LRFN2: variants seen among roughly 807,000 people sequenced by gnomAD.
The protein encoded by LRFN2 is leucine-rich repeat and fibronectin type-III domain-containing protein 2.
Under a neutral mutation model 37.3 loss-of-function variants are expected in LRFN2, and 18 were observed. That is an observed-to-expected ratio of 0.48 (90% confidence interval 0.33 to 0.72). The LOEUF is 0.72. LRFN2 is among the 30% of genes least tolerant of loss of function. LRFN2 has a pLI of 0.02. For missense variants in LRFN2, 1,006 were observed against 1,060.7 expected (o/e 0.95, Z 0.72); for synonymous variants, 556 against 466.6 (o/e 1.19, Z -2.47).
chr6:40,548,701 T>A (rs114463539), intron 1 of LRFN2, among the ~76,000 whole-genome samples: 4,829 of 152,288 alleles, frequency 0.032, 103 homozygotes, highest in Admixed American at 0.042. Context: ...AAACAGGTCC[T>A]ATCAGAGTGA....
chr6:40,522,564 C>A (rs547121089), intron 1 of LRFN2, among the ~76,000 whole-genome samples: 43 of 152,282 alleles, frequency 2.8e-4, no homozygotes, highest in Non-Finnish European at 5.1e-4. Flanking sequence ...CTGCCCCTAA[C>A]AACAGGTGAC....
intron 1 of LRFN2, among the ~76,000 whole-genome samples, chr6:40,480,268 T>C (rs1764797516): frequency 6.6e-6 from 1 of 152,124 alleles, no homozygotes; most frequent in Non-Finnish European, 1.5e-5. Context: ...GTTCAGGCTT[T>C]TTTTCTTTTT....
At chr6:40,579,425 A>G (rs889009771) in intron 1 of LRFN2, among the ~76,000 whole-genome samples, 2 of 152,186 alleles carry the variant, frequency 1.3e-5, no homozygotes, top group African/African-American at 4.8e-5. Flanking sequence ...AGATGGTAAG[A>G]TGTCAGCTTA....
At chr6:40,434,653 T>G (rs1763601010) in intron 1 of LRFN2, among the ~76,000 whole-genome samples, 1 of 151,906 alleles carries the variant, frequency 6.6e-6, no homozygotes, top group African/African-American at 2.4e-5. Flanking sequence ...ACTTTTTGTA[T>G]TTTTAGTAGA....
At chr6:40,498,136 C>T (rs1765279256) in intron 1 of LRFN2, among the ~76,000 whole-genome samples, 2 of 152,098 alleles carry the variant, frequency 1.3e-5, no homozygotes, top group African/African-American at 2.4e-5. Flanking sequence ...TCCGTGTCCA[C>T]CGAAAGGCTC....
chr6:40,575,481 C>A (rs36067874), intron 1 of LRFN2, among the ~76,000 whole-genome samples: 4 of 152,178 alleles, frequency 2.6e-5, no homozygotes, highest in East Asian at 1.9e-4. Context: ...CCTTACTCTG[C>A]GCCTGCCCTT....
intron 1 of LRFN2, among the ~76,000 whole-genome samples, chr6:40,494,161 G>GGTCCAA (rs1450278027): frequency 6.7e-6 from 1 of 148,312 alleles, no homozygotes; most frequent in African/African-American, 2.6e-5. Flanking sequence ...CTCAGGTCCA[G>GGTCCAA]GGGGAGACAG....
rs771020507 is a variant in LRFN2 at position 40,392,164 on chromosome 6, TGCCCTCCAACG to T, written c.2138_2148del (p.Pro713GlnfsTer51). The T allele has an allele frequency of 6.2e-7, 1 of 1,603,256 alleles. No individual in the cohort carries two copies. Among genetic ancestry groups the T allele is most frequent in the Non-Finnish European group, 8.5e-7 (1 of 1,174,302 alleles). On this transcript the variant is annotated frameshift_variant, in exon 3 of 3. Transcript: ENST00000338305. LOFTEE classifies it high-confidence loss of function. The surrounding 1 kb of genome is among the most constrained non-coding windows in gnomAD (Gnocchi z 4.7). The stretch of plus-strand genomic sequence containing the variant: ...TCGAAGGAGTGGCTGCGTTTGGCCT[TGCCCTCCAACG>T]GCAAGGGGAGCAGGCTCCTGGCCCG...
At chr6:40,571,943 G>A (rs1045115452) in intron 1 of LRFN2, among the ~76,000 whole-genome samples, 1 of 152,148 alleles carries the variant, frequency 6.6e-6, no homozygotes, top group African/African-American at 2.4e-5. Flanking sequence ...TGTCTCTCTG[G>A]AGGTTCTGAA....
chr6:40,407,318 G>A (rs1762868241), intron 2 of LRFN2, among the ~76,000 whole-genome samples: 1 of 152,134 alleles, frequency 6.6e-6, no homozygotes, highest in South Asian at 2.1e-4. Flanking sequence ...AAAGAGTGTA[G>A]GCTTTGGACT....
intron 1 of LRFN2, among the ~76,000 whole-genome samples, chr6:40,558,476 A>T (rs1766931120): frequency 6.6e-6 from 1 of 152,154 alleles, no homozygotes; most frequent in Admixed American, 6.5e-5. Flanking sequence ...GGGTTTGGCC[A>T]CCTTGCTCTG....
intron 1 of LRFN2, among the ~76,000 whole-genome samples, chr6:40,486,344 G>A (rs1014295425): frequency 3.3e-5 from 5 of 152,162 alleles, no homozygotes; most frequent in African/African-American, 1.2e-4. Context: ...AAGACCCCTG[G>A]GCTAATGAGT....
chr6:40,576,992 C>T (rs1767291987), intron 1 of LRFN2, among the ~76,000 whole-genome samples: 1 of 152,078 alleles, frequency 6.6e-6, no homozygotes, highest in African/African-American at 2.4e-5. Flanking sequence ...TTCCTAAAAC[C>T]CCACCCCCAC....
chr6:40,457,456 T>A (rs1764257620), intron 1 of LRFN2, among the ~76,000 whole-genome samples: 1 of 151,784 alleles, frequency 6.6e-6, no homozygotes, highest in African/African-American at 2.4e-5. Context: ...TGCCTTATTG[T>A]CAGCATAAGG....
Position 40,546,083 on chromosome 6 carries a change from G to A in LRFN2, c.-19+40858C>T, listed in dbSNP as rs114345714. On this transcript the variant is annotated intron_variant, in intron 1 of 2. Transcript: ENST00000338305. ...ACAATGGGGAGACTCCAGAGAGAGG[G>A]ACCAGGCTGCCTGGCTGTTTTTGAG... Among the ~76,000 whole-genome samples, 672 of 152,156 alleles carry A rather than the reference G, an allele frequency of 4.4e-3. 2 individuals carry two copies. The highest frequency in any genetic ancestry group is 0.015 in the African/African-American group (621 of 41,518).
At chr6:40,471,774 C>T (rs1413288543) in intron 1 of LRFN2, among the ~76,000 whole-genome samples, 1 of 152,180 alleles carries the variant, frequency 6.6e-6, no homozygotes, top group Non-Finnish European at 1.5e-5. Context: ...CTTTGTATTA[C>T]ACTAAGAGAG....
intron 2 of LRFN2, among the ~76,000 whole-genome samples, chr6:40,396,436 C>T (rs1205529793): frequency 2.0e-5 from 3 of 152,160 alleles, no homozygotes; most frequent in African/African-American, 4.8e-5. Context: ...CTCACCTTTG[C>T]TCCCCAACTC....
At chr6:40,486,126 T>C (rs896926169) in intron 1 of LRFN2, among the ~76,000 whole-genome samples, 4 of 152,130 alleles carry the variant, frequency 2.6e-5, no homozygotes, top group African/African-American at 9.7e-5. Context: ...TTTTGGCCCT[T>C]CTGGCCTATG....
At chr6:40,579,449 G>A (rs1767352137) in intron 1 of LRFN2, among the ~76,000 whole-genome samples, 1 of 152,136 alleles carries the variant, frequency 6.6e-6, no homozygotes, top group African/African-American at 2.4e-5. Flanking sequence ...GTAGAGCAGG[G>A]TGGGAAAGCA....
Sources: allele counts gnomAD v4.1 joint callset (sites outside exome capture counted in the v4.1 genomes callset), GRCh38; gene constraint gnomAD v4.1.1; non-coding constraint Gnocchi (gnomAD v3.1); transcripts MANE v1.5; gene names NCBI Gene and HGNC (gene_info 2026-07-23, HGNC 2026-07-21).